The following SATB2 variants were observed in gnomAD, a reference collection of about 807,000 sequenced individuals.
SATB2 encodes SATB homeobox 2, also known as DNA-binding protein SATB2.
In SATB2, 1 loss-of-function variant was observed where a neutral mutation model predicts 73.4. The ratio of observed to expected loss-of-function variants is 0.01; its 90% CI spans 0.00 to 0.06. SATB2 has a LOEUF of 0.06. Ranked by LOEUF, SATB2 falls within the 10% of genes least tolerant of loss-of-function variation. SATB2 has a pLI of 1.00. For missense variants in SATB2, 459 were observed against 945.8 expected, an observed-to-expected ratio of 0.49 and a Z score of 6.75; for synonymous variants, 397 against 367.0, an observed-to-expected ratio of 1.08 and a Z score of -0.93.
chr2:199,373,747 A>G (rs1689516298), intron 5 of SATB2, among the ~76,000 whole-genome samples: 1 of 152,194 alleles, frequency 6.6e-6, no homozygotes, highest in South Asian at 2.1e-4. Context: ...GGTTAGGAAT[A>G]TTTTCAAGCT....
upstream of SATB2, chr2:199,458,659 C>T: frequency 2.3e-6 from 1 of 441,200 alleles, no homozygotes; most frequent in Non-Finnish European, 4.5e-6. Flanking sequence ...CGCAGACCGA[C>T]GCGCAAGAGG....
chr2:199,332,044 TG>T (rs1347179496), intron 7 of SATB2, among the ~76,000 whole-genome samples: 2 of 152,120 alleles, frequency 1.3e-5, no homozygotes, highest in Non-Finnish European at 2.9e-5. Context: ...GAAAAAAAGA[TG>T]CACTTTTATG....
intron 9 of SATB2, among the ~76,000 whole-genome samples, chr2:199,317,268 AAAG>A (rs1431288874): frequency 6.6e-6 from 1 of 152,060 alleles, no homozygotes; most frequent in Non-Finnish European, 1.5e-5. Flanking sequence ...GGCCCTGTGA[AAAG>A]AAGATTAAAT....
intron 3 of SATB2, among the ~76,000 whole-genome samples, chr2:199,423,535 T>G (rs890949338): frequency 2.0e-5 from 3 of 152,010 alleles, no homozygotes; most frequent in Non-Finnish European, 2.9e-5. Flanking sequence ...GAAAAATGTA[T>G]GCATGGAAAG....
chr2:199,458,467 G>T (rs1160835336), upstream of SATB2: 1 of 394,424 alleles, frequency 2.5e-6, no homozygotes, highest in African/African-American at 2.2e-5. Context: ...GCGCGAGGCG[G>T]TGGCCGCGGC....
At chr2:199,423,102 A>G (rs1398400788) in intron 3 of SATB2, among the ~76,000 whole-genome samples, 3 of 152,162 alleles carry the variant, frequency 2.0e-5, no homozygotes, top group Non-Finnish European at 4.4e-5. Context: ...CCAGAAGTCT[A>G]TATTTGCCAA....
intron 5 of SATB2, among the ~76,000 whole-genome samples, chr2:199,378,172 C>T (rs186800195): frequency 6.6e-6 from 1 of 152,244 alleles, no homozygotes; most frequent in East Asian, 1.9e-4. Flanking sequence ...ACTCATGTTG[C>T]CTCTCTAGTC....
intron 10 of SATB2, among the ~76,000 whole-genome samples, chr2:199,305,550 A>G (rs1303001537): frequency 6.6e-6 from 1 of 152,176 alleles, no homozygotes; most frequent in Admixed American, 6.6e-5. Context: ...CTTAACAGAA[A>G]CACATCTGCA....
chr2:199,288,777 A>T (rs1692760972), intron 10 of SATB2, among the ~76,000 whole-genome samples: 1 of 152,194 alleles, frequency 6.6e-6, no homozygotes. Context: ...AGAAAAAAAA[A>T]ATCTAGCATT....
chr2:199,355,348 C>CTATATATATATATATATATATATATCTA (rs1688948155), intron 6 of SATB2, among the ~76,000 whole-genome samples: 1 of 134,186 alleles, frequency 7.5e-6, no homozygotes, highest in African/African-American at 3.0e-5. Context: ...GTGTGTGTAT[C>CTATATATATATATATATATATATATCTA]TATATATATA....
At chr2:199,284,187 T>C (rs1692616513) in intron 10 of SATB2, among the ~76,000 whole-genome samples, 1 of 152,172 alleles carries the variant, frequency 6.6e-6, no homozygotes, top group Non-Finnish European at 1.5e-5. Flanking sequence ...TTGATATCAG[T>C]GGTGATTTAA....
At chr2:199,329,177 G>T in intron 7 of SATB2, 1 of 467,134 alleles carries the variant, frequency 2.1e-6, no homozygotes, top group Admixed American at 3.3e-5. Flanking sequence ...TAGCAAGGTA[G>T]GCACTTGGGA....
upstream of SATB2, among the ~76,000 whole-genome samples, chr2:199,466,578 T>C (rs1333062686): frequency 6.6e-6 from 1 of 152,152 alleles, no homozygotes; most frequent in Non-Finnish European, 1.5e-5. Context: ...CAGGGCCAAG[T>C]AGAGTAGCTC....
At chr2:199,370,145 G>A (rs1689400047) in intron 5 of SATB2, among the ~76,000 whole-genome samples, 1 of 152,096 alleles carries the variant, frequency 6.6e-6, no homozygotes, top group South Asian at 2.1e-4. Context: ...TAACGACCAA[G>A]TACGGCTGTT....
intron 6 of SATB2, among the ~76,000 whole-genome samples, chr2:199,363,507 G>A (rs1324882328): frequency 6.6e-6 from 1 of 152,178 alleles, no homozygotes; most frequent in Admixed American, 6.5e-5. Flanking sequence ...GGAGCAGTGA[G>A]ATGATAATCA....
At chr2:199,298,572 T>C (rs1046707111) in intron 10 of SATB2, among the ~76,000 whole-genome samples, 16 of 152,236 alleles carry the variant, frequency 1.1e-4, no homozygotes, top group Non-Finnish European at 2.4e-4. Context: ...TATGTATTTG[T>C]AGATCGAGTT....
chr2:199,330,766 G>A (rs1408434538), intron 7 of SATB2, among the ~76,000 whole-genome samples: 5 of 152,120 alleles, frequency 3.3e-5, no homozygotes, highest in African/African-American at 1.2e-4. Context: ...ATGCAGAGAA[G>A]CAAGAGCAAA....
chr2:199,345,198 C>T (rs181931406), intron 7 of SATB2, among the ~76,000 whole-genome samples: 12 of 152,194 alleles, frequency 7.9e-5, no homozygotes, highest in Admixed American at 7.9e-4. Flanking sequence ...TTTCCTGTCC[C>T]AGGCTCTGTG....
intron 6 of SATB2, among the ~76,000 whole-genome samples, chr2:199,362,443 A>G (rs1419454391): frequency 6.9e-6 from 1 of 145,488 alleles, no homozygotes; most frequent in East Asian, 2.1e-4. Flanking sequence ...TATCACTACT[A>G]TATATTTACC....
Sources: allele counts gnomAD v4.1 joint callset (sites outside exome capture counted in the v4.1 genomes callset), GRCh38; gene constraint gnomAD v4.1.1; transcripts MANE v1.5; gene names NCBI Gene and HGNC (gene_info 2026-07-23, HGNC 2026-07-21).